CMBL: variants seen among roughly 807,000 people sequenced by gnomAD.
CMBL encodes the protein carboxymethylenebutenolidase homolog, also known as carboxymethylenebutenolidase homolog (Pseudomonas).
In CMBL, 17 loss-of-function variants were observed where a neutral mutation model predicts 28.7. The ratio of observed to expected loss-of-function variants is 0.59; its 90% CI spans 0.41 to 0.89. The LOEUF (loss-of-function observed/expected upper bound fraction) is 0.89, where lower values mean the gene tolerates loss of function less well. Among genes scored for constraint, CMBL ranks in the 40% least tolerant of loss-of-function variants. The pLI is 0.00. For missense variants in CMBL, 310 were observed against 298.5 expected, an observed-to-expected ratio of 1.04 and a Z score of -0.28; for synonymous variants, 106 against 101.6, an observed-to-expected ratio of 1.04 and a Z score of -0.26.
intron 4 of CMBL, among the ~76,000 whole-genome samples, chr5:10,285,415 C>T (rs1746581220): frequency 6.6e-6 from 1 of 152,144 alleles, no homozygotes; most frequent in African/African-American, 2.4e-5. Context: ...GAGCCACCCA[C>T]CTCGGCCTCC....
In CMBL at chr5:10,290,677, T is replaced by G; in HGVS notation, c.86A>C (p.His29Pro). Reference sequence around the variant, plus strand: ...GGATTTGGTGACATAAGCCTTGATGTGCTCGACTTGAACTTCACGGCCTAG... The same window carrying G: ...GGATTTGGTGACATAAGCCTTGATGGGCTCGACTTGAACTTCACGGCCTAG... ...GGLGREVQVE[H>P]IKAYVTKSPV... The change falls in exon 2 of 6, where the codon CAC becomes CCC. Residue 29 changes from histidine (H) to proline (P), a missense_variant. His to Pro is a moderately conservative substitution (Grantham distance 77). Transcript: ENST00000296658. The G allele has an allele frequency of 6.2e-7, 1 of 1,614,220 alleles. No homozygotes were observed. The highest frequency in any genetic ancestry group is 8.5e-7 in the Non-Finnish European group (1 of 1,180,040).
At chr5:10,287,616 T>C (rs777136808) in intron 3 of CMBL, among the ~76,000 whole-genome samples, 12 of 152,210 alleles carry the variant, frequency 7.9e-5, no homozygotes, top group Non-Finnish European at 1.2e-4. Flanking sequence ...TTGATATTGA[T>C]CATCATCACA....
At chr5:10,291,555 G>C (rs1315626659) in intron 1 of CMBL, among the ~76,000 whole-genome samples, 1 of 151,816 alleles carries the variant, frequency 6.6e-6, no homozygotes, top group African/African-American at 2.4e-5. Context: ...CAGCTACTCG[G>C]GAGGCTGAGG....
chr5:10,295,493 T>C (rs1746793874), intron 1 of CMBL, among the ~76,000 whole-genome samples: 1 of 152,210 alleles, frequency 6.6e-6, no homozygotes. Flanking sequence ...TGCAATAGAC[T>C]GAATGTGTCC....
At chr5:10,305,339 C>T (rs928461931) in intron 1 of CMBL, among the ~76,000 whole-genome samples, 2 of 152,030 alleles carry the variant, frequency 1.3e-5, no homozygotes, top group African/African-American at 4.8e-5. Flanking sequence ...ATGGTATGCA[C>T]AGGAGAGGAG....
At chr5:10,301,606 G>GTTTTTTT (rs371796871) in intron 1 of CMBL, among the ~76,000 whole-genome samples, 1 of 132,258 alleles carries the variant, frequency 7.6e-6, no homozygotes, top group Non-Finnish European at 1.6e-5. Context: ...TTCTTTTCGG[G>GTTTTTTT]TTTTTTTTTT....
intron 3 of CMBL, among the ~76,000 whole-genome samples, chr5:10,287,384 T>A (rs974016051): frequency 1.3e-5 from 2 of 150,724 alleles, no homozygotes; most frequent in Non-Finnish European, 2.9e-5. Flanking sequence ...AACTCAGGAA[T>A]GGAAAACCAA....
In CMBL at chr5:10,306,142, AAG is replaced by A. The variant is rs146638808; in HGVS notation, c.-20+1481_-20+1482del. 9.4e-3 allele frequency among the ~76,000 whole-genome samples: 1,438 copies of A among 152,300 alleles called. 18 individuals are homozygous for A. Among genetic ancestry groups the A allele is most frequent in the African/African-American group, 0.033 (1,367 of 41,554 alleles). ...TTCTAACACTGGCAGTCAGACAGGT[AAG>A]AGAGGTGATAAAGTATGGTGAGGGT... On this transcript the variant is annotated intron_variant, in intron 1 of 5. Transcript: ENST00000296658.
intron 1 of CMBL, among the ~76,000 whole-genome samples, chr5:10,300,674 C>T (rs1579477714): frequency 6.6e-6 from 1 of 151,870 alleles, no homozygotes; most frequent in Non-Finnish European, 1.5e-5. Flanking sequence ...TGGTGGCATG[C>T]ACCTGTAGTC....
At chr5:10,292,616 A>G (rs1432797471) in intron 1 of CMBL, among the ~76,000 whole-genome samples, 1 of 152,068 alleles carries the variant, frequency 6.6e-6, no homozygotes, top group Admixed American at 6.6e-5. Context: ...CAAGTTCAGG[A>G]GCTCAAGACC....
chr5:10,301,606 GT>G (rs371796871), intron 1 of CMBL, among the ~76,000 whole-genome samples: 44 of 132,222 alleles, frequency 3.3e-4, no homozygotes, highest in Middle Eastern at 3.8e-3. Flanking sequence ...TTCTTTTCGG[GT>G]TTTTTTTTTT....
At chr5:10,304,937 T>C (rs1401963916) in intron 1 of CMBL, among the ~76,000 whole-genome samples, 1 of 152,166 alleles carries the variant, frequency 6.6e-6, no homozygotes, top group African/African-American at 2.4e-5. Flanking sequence ...GCTATAGACA[T>C]GGGTACTTTT....
chr5:10,286,948 C>T (rs754182892), intron 3 of CMBL, among the ~76,000 whole-genome samples: 7 of 152,178 alleles, frequency 4.6e-5, no homozygotes, highest in South Asian at 4.1e-4. Flanking sequence ...TATGGGCAGA[C>T]GCCCAGACAC....
intron 2 of CMBL, 140 bp downstream of exon 2, chr5:10,290,408 A>G: frequency 2.9e-6 from 2 of 683,078 alleles, no homozygotes; most frequent in Admixed American, 2.6e-5. Context: ...ATCTATCTTC[A>G]CGGCAGTGAG....
Position 10,291,116 on chromosome 5 carries a change from TG to T in CMBL, c.-19-336del, listed in dbSNP as rs548960365. 1.3e-3 allele frequency among the ~76,000 whole-genome samples: 203 copies of T among 152,184 alleles called. 1 individual carries two copies. The highest frequency in any genetic ancestry group is 2.1e-3 in the Non-Finnish European group (145 of 67,998). ...AGATGCTGACGGGGCCCAGTGATGCTGGGGGACAGGACCCGACTCAGGAGCA... is the reference window on the plus strand; with the variant it reads ...AGATGCTGACGGGGCCCAGTGATGCTGGGGACAGGACCCGACTCAGGAGCA... On this transcript the variant is annotated intron_variant, in intron 1 of 5. Coordinates refer to ENST00000296658, the MANE Select transcript of CMBL (RefSeq NM_138809.4).
chr5:10,307,184 T>A (rs1747014147), intron 1 of CMBL: 2 of 152,232 alleles, frequency 1.3e-5, no homozygotes, highest in South Asian at 2.1e-4. Flanking sequence ...GCTGATTTAG[T>A]TGCAAATATG....
At chr5:10,290,812 GA>G (rs1746700579) in intron 1 of CMBL, 31 bp from the exon 2 acceptor site, 1 of 1,494,610 alleles carries the variant, frequency 6.7e-7, no homozygotes, top group African/African-American at 1.4e-5. Flanking sequence ...GTTATATTCT[GA>G]ATGCTGCAAA....
intron 4 of CMBL, among the ~76,000 whole-genome samples, chr5:10,285,394 A>C (rs10474868): frequency 0.62 from 94,346 of 151,736 alleles, 30,707 homozygotes; most frequent in Non-Finnish European, 0.7. Flanking sequence ...GTCTCGAACT[A>C]TTGACCTCAT....
chr5:10,288,669 G>T, intron 2 of CMBL, 140 bp from the exon 3 acceptor site: 1 of 666,212 alleles, frequency 1.5e-6, no homozygotes, highest in Non-Finnish European at 2.7e-6. Flanking sequence ...GGCCAATTTT[G>T]ATCGCAGCAA....
Sources: gnomAD v4.1 joint callset for allele counts (sites outside exome capture counted in the v4.1 genomes callset) on GRCh38, gnomAD v4.1.1 for gene constraint, MANE v1.5 for transcripts, NCBI Gene and HGNC (gene_info 2026-07-23, HGNC 2026-07-21) for gene names.